The following SPAG1 variants were observed in gnomAD, a reference collection of about 807,000 sequenced individuals.
SPAG1 encodes the protein sperm associated antigen 1, also known as sperm-associated antigen 1.
SPAG1 carries 69 observed loss-of-function variants against 100.5 expected under a neutral mutation model. The ratio of observed to expected loss-of-function variants is 0.69; its 90% CI spans 0.57 to 0.84. SPAG1 has a LOEUF of 0.84. Ranked by LOEUF, SPAG1 falls within the 40% of genes least tolerant of loss-of-function variation. The probability of loss-of-function intolerance (pLI) is 0.00; values close to 1 mark genes in which losing one functional copy is unlikely to be tolerated. For missense variants in SPAG1, 955 were observed against 1,133.1 expected (o/e 0.84, Z 2.26); for synonymous variants, 336 against 411.6 (o/e 0.82, Z 2.22).
At chr8:100,192,754 G>T (rs534024597) in intron 9 of SPAG1, among the ~76,000 whole-genome samples, 1 of 152,208 alleles carries the variant, frequency 6.6e-6, no homozygotes, top group South Asian at 2.1e-4. Flanking sequence ...TTGAGACAGG[G>T]CCTTGCTCTG....
At chr8:100,190,798 G>A (rs1377647724) in intron 8 of SPAG1, among the ~76,000 whole-genome samples, 1 of 150,640 alleles carries the variant, frequency 6.6e-6, no homozygotes. Context: ...CCGAGTAGCT[G>A]GGATTACAGA....
In SPAG1 at chr8:100,235,373, C is replaced by A. The variant is rs146786708; in HGVS notation, c.2115+1836C>A. On this transcript the variant is annotated intron_variant, in intron 16 of 18. Coordinates refer to ENST00000388798, the MANE Select transcript of SPAG1 (RefSeq NM_003114.5). ...CAGGACTTTCTGTGGGGACGTAGTTCAGCCCATAACAGAAGGGAAGGGGCC... is the reference window on the plus strand; with the variant it reads ...CAGGACTTTCTGTGGGGACGTAGTTAAGCCCATAACAGAAGGGAAGGGGCC... 5.2e-3 allele frequency among the ~76,000 whole-genome samples: 784 copies of A among 152,212 alleles called. 6 individuals are homozygous for A. The highest frequency in any genetic ancestry group is 0.018 in the African/African-American group (749 of 41,518).
chr8:100,208,908 G>T (rs975981086), intron 10 of SPAG1, among the ~76,000 whole-genome samples: 1 of 152,134 alleles, frequency 6.6e-6, no homozygotes, highest in African/African-American at 2.4e-5. Flanking sequence ...TTGACAAGGG[G>T]TGGTTGAAAT....
chr8:100,207,615 T>C (rs1257285618), intron 10 of SPAG1, among the ~76,000 whole-genome samples: 1 of 152,210 alleles, frequency 6.6e-6, no homozygotes, highest in Admixed American at 6.5e-5. Flanking sequence ...ATACACTGAT[T>C]CATGGGTTGT....
intron 2 of SPAG1, among the ~76,000 whole-genome samples, 184 bp downstream of exon 2, chr8:100,162,604 G>T (rs1401645824): frequency 6.6e-6 from 1 of 152,216 alleles, no homozygotes; most frequent in East Asian, 1.9e-4. Context: ...GCCAGCATGA[G>T]ACGCAGGCTA....
intron 3 of SPAG1, among the ~76,000 whole-genome samples, chr8:100,175,307 T>C (rs984794321): frequency 3.4e-5 from 5 of 145,744 alleles, no homozygotes; most frequent in Admixed American, 7.0e-5. Context: ...TTTTTTGAGA[T>C]AGAGTCTTGG....
intron 2 of SPAG1, among the ~76,000 whole-genome samples, chr8:100,163,376 C>A (rs1186237708): frequency 6.6e-6 from 1 of 151,972 alleles, no homozygotes; most frequent in Non-Finnish European, 1.5e-5. Context: ...ACCTGTGACA[C>A]CTCTTTTGGA....
At chr8:100,213,030 C>CTCCGCGGCA in intron 10 of SPAG1, 60 bp from the exon 11 acceptor site, 5 of 1,334,156 alleles carry the variant, frequency 3.7e-6, no homozygotes, top group Non-Finnish European at 4.8e-6. Flanking sequence ...CCTCCGCGGC[C>CTCCGCGGCA]TCCGCGGCAA....
intron 14 of SPAG1, among the ~76,000 whole-genome samples, chr8:100,229,678 C>A (rs1258970149): frequency 6.6e-6 from 1 of 152,146 alleles, no homozygotes; most frequent in Non-Finnish European, 1.5e-5. Flanking sequence ...TATTGAGGTC[C>A]TGGAAACAGA....
At chr8:100,214,873 G>A (rs1248907619) in intron 12 of SPAG1, among the ~76,000 whole-genome samples, 1 of 151,150 alleles carries the variant, frequency 6.6e-6, no homozygotes, top group Non-Finnish European at 1.5e-5. Flanking sequence ...TCAGCTACTC[G>A]GGAGGCTGAA....
At chr8:100,212,528 T>C (rs1044121865) in intron 10 of SPAG1, among the ~76,000 whole-genome samples, 1 of 152,230 alleles carries the variant, frequency 6.6e-6, no homozygotes, top group Non-Finnish European at 1.5e-5. Context: ...GATGGAAAAT[T>C]TGCTGTGTTT....
chr8:100,195,263 C>T (rs1816988113), intron 10 of SPAG1, among the ~76,000 whole-genome samples: 2 of 151,818 alleles, frequency 1.3e-5, no homozygotes, highest in South Asian at 4.1e-4. Context: ...GAGATATTAT[C>T]AATTTTGAAA....
Position 100,240,961 on chromosome 8 carries a change from C to T in SPAG1, c.2720C>T (p.Thr907Ile), listed in dbSNP as rs2132448867. Residue 907 changes from threonine to isoleucine, a missense_variant, in exon 19 of 19, where the codon ACA becomes ATA. By Grantham distance (89) the Thr-to-Ile change is moderately conservative. Coordinates refer to ENST00000388798, the MANE Select transcript of SPAG1 (RefSeq NM_003114.5). Reference protein sequence around the residue: ...IEQLFEDLSDTPNNHFTLEDI... With the variant: ...IEQLFEDLSDIPNNHFTLEDI... ...CAGCTGTTTGAGGACCTTTCGGACA[C>T]ACCAAACAACCATTTTACTTTAGAA... is the stretch of plus-strand genomic sequence containing the variant. The T allele has an allele frequency of 1.9e-6, 3 of 1,612,572 alleles. No individual in the cohort carries two copies. The highest frequency in any genetic ancestry group is 1.7e-4 in the Middle Eastern group (1 of 6,058).
intron 12 of SPAG1, 45 bp from the exon 13 acceptor site, chr8:100,220,234 G>A: frequency 6.5e-7 from 1 of 1,537,976 alleles, no homozygotes; most frequent in Non-Finnish European, 8.9e-7. Flanking sequence ...AAACGAAAGA[G>A]CATTTTTCAA....
chr8:100,194,477 T>C (rs1816946193), intron 10 of SPAG1: 1 of 650,910 alleles, frequency 1.5e-6, no homozygotes, highest in African/African-American at 1.8e-5. Flanking sequence ...TGTCACCTTT[T>C]TCTAGTGCTC....
intron 10 of SPAG1, among the ~76,000 whole-genome samples, chr8:100,209,873 T>G (rs1362336450): frequency 6.6e-6 from 1 of 151,744 alleles, no homozygotes; most frequent in Non-Finnish European, 1.5e-5. Flanking sequence ...ATTGCTCTAG[T>G]TTTTTTTGGT....
At chr8:100,227,662 G>C (rs16898054) in intron 14 of SPAG1, among the ~76,000 whole-genome samples, 14,749 of 152,102 alleles carry the variant, frequency 0.097, 2,367 homozygotes, top group African/African-American at 0.33. Flanking sequence ...AATCAGCTGT[G>C]TTTGAATTTT....
At chr8:100,189,393 C>T (rs1816719159) in intron 8 of SPAG1, among the ~76,000 whole-genome samples, 1 of 152,128 alleles carries the variant, frequency 6.6e-6, no homozygotes, top group Non-Finnish European at 1.5e-5. Context: ...AGGAGAATCA[C>T]TGGAACCCAG....
At chr8:100,237,499 A>G (rs973572034) in intron 16 of SPAG1, among the ~76,000 whole-genome samples, 13 of 152,222 alleles carry the variant, frequency 8.5e-5, no homozygotes, top group African/African-American at 3.1e-4. Flanking sequence ...CATGACATCA[A>G]TGACAGTCTG....
Sources: gnomAD v4.1 joint callset for allele counts (sites outside exome capture counted in the v4.1 genomes callset) on GRCh38, gnomAD v4.1.1 for gene constraint, MANE v1.5 for transcripts, NCBI Gene and HGNC (gene_info 2026-07-23, HGNC 2026-07-21) for gene names.